The following AHNAK variants were observed in gnomAD, a reference collection of about 807,000 sequenced individuals.
The protein encoded by AHNAK is AHNAK nucleoprotein.
Under a neutral mutation model 37.8 loss-of-function variants are expected in AHNAK, and 23 were observed. The observed-to-expected ratio is 0.61, with a 90% CI of 0.44 to 0.86. The LOEUF (loss-of-function observed/expected upper bound fraction) is 0.86, where lower values mean the gene tolerates loss of function less well. Ranked by LOEUF, AHNAK falls within the 40% of genes least tolerant of loss-of-function variation. AHNAK has a pLI of 0.00. For missense variants in AHNAK, 7,411 were observed against 7,319.4 expected, an observed-to-expected ratio of 1.01 and a Z score of -0.46; for synonymous variants, 2,481 against 2,636.3, an observed-to-expected ratio of 0.94 and a Z score of 1.80.
intron 4 of AHNAK, among the ~76,000 whole-genome samples, chr11:62,508,357 C>T (rs12281588): frequency 0.09 from 13,663 of 152,196 alleles, 1,434 homozygotes; most frequent in African/African-American, 0.25. Flanking sequence ...TTCGCTTTTC[C>T]GAGCCTCACC....
intron 5 of AHNAK, among the ~76,000 whole-genome samples, chr11:62,460,479 G>C (rs372337212): frequency 6.6e-6 from 1 of 152,320 alleles, no homozygotes; most frequent in Admixed American, 6.5e-5. Flanking sequence ...ATCAGGCCCA[G>C]TTGGCGTGAC....
intron 1 of AHNAK, among the ~76,000 whole-genome samples, chr11:62,543,118 C>G (rs1238379885): frequency 2.6e-5 from 4 of 152,196 alleles, no homozygotes; most frequent in African/African-American, 9.6e-5. Flanking sequence ...ATGCCCCTCC[C>G]TGACAGGCCG....
Position 62,529,922 on chromosome 11 carries a change from C to T in AHNAK, c.4495G>A (p.Val1499Met), listed in dbSNP as rs1247270297. 3 of 1,612,574 alleles carry T rather than the reference C, an allele frequency of 1.9e-6. No homozygotes were observed. Among genetic ancestry groups the T allele is most frequent in the Admixed American group, 1.7e-5 (1 of 59,814 alleles). Reference protein sequence around the residue: ...GPKVDINAPDVEVHGPDWHLK... With the variant: ...GPKVDINAPDMEVHGPDWHLK... Reference sequence around the variant, plus strand: ...TGCCAGTCTGGGCCATGAACCTCCACATCTGGTGCATTAATATCAACTTTG... The same window carrying T: ...TGCCAGTCTGGGCCATGAACCTCCATATCTGGTGCATTAATATCAACTTTG... The change falls in exon 5 of 5, where the codon GTG becomes ATG. Residue 1499 changes from valine to methionine, a missense_variant. By Grantham distance (21) the Val-to-Met change is conservative (BLOSUM62 1). Coordinates refer to ENST00000378024, the MANE Select transcript of AHNAK (RefSeq NM_001620.3).
intron 5 of AHNAK, among the ~76,000 whole-genome samples, chr11:62,440,929 G>A (rs1332750712): frequency 6.6e-6 from 1 of 152,176 alleles, no homozygotes; most frequent in Non-Finnish European, 1.5e-5. Context: ...ACTTTGTGAG[G>A]CGAAGACAGG....
Position 62,520,928 on chromosome 11 carries a change from C to T in AHNAK, c.13489G>A (p.Gly4497Ser). The change falls in exon 5 of 5, where the codon GGT (glycine) becomes AGT (serine). Residue 4497 changes from glycine to serine, a missense_variant. Gly to Ser is a moderately conservative substitution (Grantham distance 56). Transcript: ENST00000378024. ...DLKGPEVDIE[G>S]PEGKLKGPKF... Reference sequence around the variant, plus strand: ...GGACCTTTGAGCTTCCCTTCAGGACCTTCAATGTCTACCTCTGGCCCTTTC... The same window carrying T: ...GGACCTTTGAGCTTCCCTTCAGGACTTTCAATGTCTACCTCTGGCCCTTTC... 1 of 1,614,184 alleles carries T rather than the reference C, an allele frequency of 6.2e-7. No homozygotes were observed. Among genetic ancestry groups the T allele is most frequent in the South Asian group, 1.1e-5 (1 of 91,084 alleles).
In AHNAK at chr11:62,521,806, T is replaced by C; in HGVS notation, c.12611A>G (p.Glu4204Gly). The C allele has an allele frequency of 6.2e-7, 1 of 1,613,536 alleles. No individual in the cohort carries two copies. Among genetic ancestry groups the C allele is most frequent in the Non-Finnish European group, 8.5e-7 (1 of 1,179,940 alleles). Residue 4204 changes from glutamate to glycine, a missense_variant, in exon 5 of 5, where the codon GAG (glutamate) becomes GGG (glycine). Glu to Gly is a moderately conservative substitution (Grantham distance 98). Transcript: ENST00000378024. Reference protein sequence around the residue: ...PKFSMPGFKGEGPDVDVNLPK... With the variant: ...PKFSMPGFKGGGPDVDVNLPK... Reference sequence around the variant, plus strand: ...CAGGTTCACATCCACATCTGGGCCCTCTCCTTTGAAGCCAGGCATGCTGAA... The same window carrying C: ...CAGGTTCACATCCACATCTGGGCCCCCTCCTTTGAAGCCAGGCATGCTGAA...
chr11:62,522,379 G>A lies in AHNAK; in HGVS notation c.12038C>T (p.Pro4013Leu). The A allele has an allele frequency of 6.2e-7, 1 of 1,613,980 alleles. No homozygotes were observed. Among genetic ancestry groups the A allele is most frequent in the Non-Finnish European group, 8.5e-7 (1 of 1,180,008 alleles). ...AACATCCACATCTCCTTTCACCTTA[G>A]GGCCTTTCAGATGCAAATCAAAGTC... ...MPDFDLHLKGPKVKGDVDVSL... is the reference protein window; with the variant it reads ...MPDFDLHLKGLKVKGDVDVSL... Residue 4013 changes from proline to leucine, a missense_variant, in exon 5 of 5, where the codon CCT (proline) becomes CTT (leucine). By Grantham distance (98) the Pro-to-Leu change is moderately conservative. Transcript: ENST00000378024.
Position 62,519,634 on chromosome 11 carries a change from G to A in AHNAK, c.14783C>T (p.Pro4928Leu). The A allele has an allele frequency of 6.2e-7, 1 of 1,613,242 alleles. No homozygotes were observed. The highest frequency in any genetic ancestry group is 8.5e-7 in the Non-Finnish European group (1 of 1,179,812). Reference protein sequence around the residue: ...APDVDLHLKAPKIGFSGPKLE... With the variant: ...APDVDLHLKALKIGFSGPKLE... ...CTTCGGACCTGAAAATCCAATTTTT[G>A]GTGCCTTGAGATGCAAATCAACATC... The change falls in exon 5 of 5, where the codon CCA becomes CTA. Residue 4928 changes from proline (P) to leucine (L), a missense_variant. Transcript: ENST00000378024.
At chr11:62,451,641 G>A (rs1344154985) in intron 5 of AHNAK, among the ~76,000 whole-genome samples, 2 of 151,466 alleles carry the variant, frequency 1.3e-5, no homozygotes, top group Non-Finnish European at 2.9e-5. Flanking sequence ...AGGAGGCTGA[G>A]GCAGGAGAAT....
intron 1 of AHNAK, 35 bp from the exon 2 acceptor site, chr11:62,536,602 G>A (rs1271315523): frequency 2.0e-5 from 3 of 152,630 alleles, no homozygotes; most frequent in Non-Finnish European, 2.9e-5. Flanking sequence ...TCGCACTCCG[G>A]TCGGCAGTCT....
At position 62,464,328 on chromosome 11, in the gene AHNAK, G is replaced by C. The variant is rs564052374; in HGVS notation, c.442+27404C>G. ...CTGCCTCAGCCTCCCAAAGTGCTGG[G>C]GTTACAGGCAGGAGCCACCGCACCC... On this transcript the variant is annotated intron_variant, in intron 5 of 5. Coordinates refer to the AHNAK transcript ENST00000257247. Among the ~76,000 whole-genome samples the C allele has an allele frequency of 3.1e-4, 47 of 152,034 alleles. No individual in the cohort carries two copies. In the South Asian group the frequency reaches 9.8e-3, roughly 32 times the overall value.
rs762094218 is a variant in AHNAK, at chr11:62,532,119, G to A, written c.2298C>T (p.Gly766=). 5 of 1,613,270 alleles carry A rather than the reference G, an allele frequency of 3.1e-6. No homozygotes were observed. In the African/African-American group the frequency reaches 5.4e-5, roughly 17 times the overall value. Reference sequence around the variant, plus strand: ...TGGGCAGGTTCACATCCACTTCTGGGCCCTCTGCTTTGAACCCTGGCACAC... The same window carrying A: ...TGGGCAGGTTCACATCCACTTCTGGACCCTCTGCTTTGAACCCTGGCACAC... ...KFSVPGFKAE[G]PEVDVNLPKA... The change falls in exon 5 of 5, where the codon GGC becomes GGT. Residue 766 remains glycine (G), a synonymous_variant. Coordinates refer to ENST00000378024, the MANE Select transcript of AHNAK (RefSeq NM_001620.3).
rs72925385 is a variant in AHNAK, at chr11:62,544,783, G to T, written c.-100+1877C>A. Among the ~76,000 whole-genome samples the T allele has an allele frequency of 2.0e-5, 3 of 151,958 alleles. No homozygotes were observed. In the East Asian group the frequency reaches 5.9e-4, roughly 30 times the overall value. On this transcript the variant is annotated intron_variant, in intron 1 of 4. Coordinates refer to ENST00000378024, the MANE Select transcript of AHNAK (RefSeq NM_001620.3). ...CTGCCCCTGGGATTTCCCTCACGGG[G>T]AGGGGATGAAAGCGAGATCTCTACC... is the stretch of plus-strand genomic sequence containing the variant.
At chr11:62,484,198 G>A (rs1038127446) in intron 5 of AHNAK, among the ~76,000 whole-genome samples, 3 of 151,714 alleles carry the variant, frequency 2.0e-5, no homozygotes, top group Non-Finnish European at 4.4e-5. Flanking sequence ...AAAACGTAGT[G>A]AAACCCCATT....
chr11:62,496,567 C>T (rs977795289), intron 4 of AHNAK, among the ~76,000 whole-genome samples: 1 of 152,174 alleles, frequency 6.6e-6, no homozygotes, highest in East Asian at 1.9e-4. Context: ...GAGGCCGAGG[C>T]GGGCAGATCA....
rs199553669 is a variant in AHNAK, at chr11:62,519,023, C to T, written c.15394G>A (p.Glu5132Lys). ...LELSLPAIHV[E>K]GLDIKAKAPK... ...GCCTTCGCCTTGATGTCAAGACCTT[C>T]GACGTGAATCGCTGGCAAAGAAAGT... Residue 5132 changes from glutamate (E) to lysine (K), a missense_variant, in exon 5 of 5, where the codon GAA becomes AAA. Glu to Lys is a moderately conservative substitution (Grantham distance 56). Coordinates refer to ENST00000378024, the MANE Select transcript of AHNAK (RefSeq NM_001620.3). The T allele has an allele frequency of 2.8e-5, 45 of 1,613,238 alleles. No homozygotes were observed. Among genetic ancestry groups the T allele is most frequent in the Non-Finnish European group, 3.6e-5 (43 of 1,179,516 alleles).
chr11:62,534,996 T>C lies in AHNAK; in HGVS notation c.342+7A>G, dbSNP rs546760250. On this transcript the variant is annotated splice_region_variant and intron_variant, in intron 4 of 4. Transcript: ENST00000378024. ...TCAGGGCACAGATGGGCCGGCGAGG[T>C]ACTCACCAGAACCACTTCAGAGCTG... 45 of 1,598,954 alleles carry C rather than the reference T, an allele frequency of 2.8e-5. 1 individual carries two copies. The South Asian group carries it at 4.8e-4, about 17-fold the overall frequency.
In AHNAK at chr11:62,531,105, T is replaced by G; in HGVS notation, c.3312A>C (p.Arg1104Ser). Reference sequence around the variant, plus strand: ...GTGCTTTAATATCTACCTTGGGACCTCTGATGTCCACATCTGGAACCTGCA... The same window carrying G: ...GTGCTTTAATATCTACCTTGGGACCGCTGATGTCCACATCTGGAACCTGCA... ...GEMQVPDVDI[R>S]GPKVDIKAPD... Residue 1104 changes from arginine to serine, a missense_variant, in exon 5 of 5, where the codon AGA becomes AGC. Transcript: ENST00000378024. 6.2e-7 allele frequency: 1 copy of G among 1,614,210 alleles called. No homozygotes were observed. Among genetic ancestry groups the G allele is most frequent in the Non-Finnish European group, 8.5e-7 (1 of 1,180,052 alleles).
chr11:62,491,829 G>A lies in AHNAK; in HGVS notation c.345C>T (p.Asn115=), dbSNP rs372112817. ...ATTCCAGTGCTGATGGCTGTGGTGT[G>A]TTCTAACAAGGATAAAGATTATCAC... Residue 115 remains asparagine, a splice_region_variant and synonymous_variant, in exon 5 of 6, where the codon AAC becomes AAT. Transcript: ENST00000257247. 2.4e-5 allele frequency: 38 copies of A among 1,609,948 alleles called. No homozygotes were observed. The African/African-American group carries it at 4.8e-4, about 20-fold the overall frequency.
Sources: gnomAD v4.1 joint callset for allele counts (sites outside exome capture counted in the v4.1 genomes callset) on GRCh38, gnomAD v4.1.1 for gene constraint, MANE v1.5 for transcripts, NCBI Gene and HGNC (gene_info 2026-07-23, HGNC 2026-07-21) for gene names.